Variants in SNX29 observed in about 807,000 individuals in gnomAD.
SNX29 encodes sorting nexin 29.
A neutral mutation model predicts 102.1 loss-of-function variants in SNX29; 78 were observed. That is an observed-to-expected ratio of 0.76 (90% CI 0.64 to 0.92). SNX29 has a LOEUF of 0.92. Ranked by LOEUF, SNX29 falls within the 40% of genes least tolerant of loss-of-function variation. The pLI, the probability that SNX29 is intolerant of heterozygous loss-of-function variation, is 0.00. For synonymous variants in SNX29, 580 were observed against 414.5 expected (o/e 1.40, Z -4.85); for missense variants, 1,280 against 1,061.7 (o/e 1.21, Z -2.86).
chr16:12,051,470 G>A (rs1277754777), intron 7 of SNX29, among the ~76,000 whole-genome samples: 1 of 152,186 alleles, frequency 6.6e-6, no homozygotes, highest in East Asian at 1.9e-4. Flanking sequence ...GTTTGAGGCT[G>A]CTCAACCCTT....
At position 12,049,333 on chromosome 16, in the gene SNX29, C is replaced by CT. The variant is rs139469974; in HGVS notation, c.748+730dup. 5.9e-3 allele frequency among the ~76,000 whole-genome samples: 852 copies of CT among 144,588 alleles called. 7 individuals are homozygous for CT. Among genetic ancestry groups the CT allele is most frequent in the African/African-American group, 0.016 (629 of 39,304 alleles). 94.9% of individuals were successfully genotyped at this position (144,588 alleles called of 152,430 possible). The stretch of plus-strand genomic sequence containing the variant: ...GTGAGACCCTGTCTCAATTTTTTAA[C>CT]TTTTTTTTTTTTTTTTTGAGACAGA... On this transcript the variant is annotated intron_variant, in intron 7 of 20. Transcript: ENST00000566228.
At chr16:12,327,710 A>C (rs1486427579) in intron 15 of SNX29, among the ~76,000 whole-genome samples, 1 of 145,404 alleles carries the variant, frequency 6.9e-6, no homozygotes, top group African/African-American at 2.4e-5. Flanking sequence ...GTTGCTTGGC[A>C]CATGGAAACA....
At chr16:12,533,632 T>G (rs1486352933) in intron 20 of SNX29, among the ~76,000 whole-genome samples, 1 of 152,170 alleles carries the variant, frequency 6.6e-6, no homozygotes, top group Non-Finnish European at 1.5e-5. Flanking sequence ...ACACCCCAAA[T>G]TGGGGCCTTG....
intron 15 of SNX29, among the ~76,000 whole-genome samples, chr16:12,282,341 C>G (rs769317173): frequency 2.6e-5 from 4 of 152,162 alleles, no homozygotes; most frequent in Non-Finnish European, 5.9e-5. Context: ...GTGGGGACAT[C>G]ACAAACCCTT....
chr16:12,427,774 G>C (rs748634971), intron 18 of SNX29, among the ~76,000 whole-genome samples: 3 of 152,244 alleles, frequency 2.0e-5, no homozygotes, highest in African/African-American at 7.2e-5. Context: ...GTTGGCTTCT[G>C]TTGACACAGA....
At chr16:12,248,387 T>G (rs1222088481) in intron 14 of SNX29, among the ~76,000 whole-genome samples, 1 of 150,176 alleles carries the variant, frequency 6.7e-6, no homozygotes, top group Non-Finnish European at 1.5e-5. Context: ...CCCATCCAGA[T>G]CTCTGCTTTT....
chr16:12,212,196 G>T (rs961770851), intron 14 of SNX29, among the ~76,000 whole-genome samples: 3 of 152,170 alleles, frequency 2.0e-5, no homozygotes, highest in African/African-American at 7.2e-5. Context: ...ACTTTGTCCT[G>T]AGAAAAAATG....
chr16:12,034,734 T>C (rs968939549), intron 4 of SNX29, among the ~76,000 whole-genome samples: 43 of 152,138 alleles, frequency 2.8e-4, no homozygotes, highest in African/African-American at 9.9e-4. Context: ...TGATGTCTCA[T>C]AAATTAAGAC....
At chr16:12,395,700 C>T (rs1567519951) in intron 16 of SNX29, among the ~76,000 whole-genome samples, 1 of 152,168 alleles carries the variant, frequency 6.6e-6, no homozygotes, top group Non-Finnish European at 1.5e-5. Context: ...CTCCAAGATT[C>T]CCCAGACTTC....
chr16:12,153,845 CG>C, intron 13 of SNX29, among the ~76,000 whole-genome samples: 1 of 152,096 alleles, frequency 6.6e-6, no homozygotes, highest in South Asian at 2.1e-4. Context: ...TGTAGCAAGC[CG>C]GTGTGACAGG....
chr16:12,312,529 G>C (rs2080591890), intron 15 of SNX29, among the ~76,000 whole-genome samples: 1 of 152,132 alleles, frequency 6.6e-6, no homozygotes, highest in Admixed American at 6.5e-5. Context: ...GTTTTACCCG[G>C]AAATAAGCTC....
chr16:12,106,304 T>TTTAG (rs922097834), intron 11 of SNX29, among the ~76,000 whole-genome samples: 15 of 152,104 alleles, frequency 9.9e-5, no homozygotes, highest in African/African-American at 3.4e-4. Flanking sequence ...GCAACACTGG[T>TTTAG]TTAGACAAGG....
chr16:12,099,724 C>G (rs968547963), intron 11 of SNX29, among the ~76,000 whole-genome samples: 3 of 152,090 alleles, frequency 2.0e-5, no homozygotes, highest in Admixed American at 2.0e-4. Flanking sequence ...CCTTTTGATT[C>G]GTGGAGTGTG....
intron 14 of SNX29, among the ~76,000 whole-genome samples, chr16:12,252,005 C>T (rs1412131266): frequency 6.6e-6 from 1 of 152,164 alleles, no homozygotes; most frequent in Non-Finnish European, 1.5e-5. Flanking sequence ...AAGCAGTCCT[C>T]TCACCTTGGC....
intron 20 of SNX29, among the ~76,000 whole-genome samples, 200 bp from the exon 21 acceptor site, chr16:12,568,304 TAA>T (rs34750195): frequency 5.5e-5 from 8 of 146,420 alleles, no homozygotes; most frequent in Admixed American, 2.0e-4. Context: ...GGAGTGCTGT[TAA>T]AAAAAAAAAA....
At chr16:12,450,164 C>G (rs558182859) in intron 18 of SNX29, among the ~76,000 whole-genome samples, 3 of 152,358 alleles carry the variant, frequency 2.0e-5, no homozygotes, top group Non-Finnish European at 2.9e-5. Context: ...CCATGTAGAA[C>G]TGTGAGTCCA....
chr16:12,281,623 C>T (rs2079432661), intron 15 of SNX29, among the ~76,000 whole-genome samples: 1 of 152,208 alleles, frequency 6.6e-6, no homozygotes, highest in African/African-American at 2.4e-5. Flanking sequence ...CAGGTGAGTA[C>T]TGTTAGATCC....
chr16:12,118,100 A>T (rs1306063517), intron 11 of SNX29, among the ~76,000 whole-genome samples: 1 of 151,984 alleles, frequency 6.6e-6, no homozygotes, highest in Non-Finnish European at 1.5e-5. Flanking sequence ...CTGTCTCAAA[A>T]ATAAAAACAA....
intron 8 of SNX29, chr16:12,060,933 C>G (rs902498554): frequency 4.4e-6 from 2 of 451,344 alleles, no homozygotes; most frequent in Middle Eastern, 3.3e-4. Context: ...TGGTCTGATT[C>G]TGTCCTTTTA....
Sources: allele counts gnomAD v4.1 joint callset (sites outside exome capture counted in the v4.1 genomes callset), GRCh38; gene constraint gnomAD v4.1.1; transcripts MANE v1.5; gene names NCBI Gene and HGNC (gene_info 2026-07-23, HGNC 2026-07-21).